Variants in DIP2C observed in about 807,000 individuals in gnomAD.
DIP2C encodes DIP2 acetate--CoA ligase C (putative), also known as disco-interacting protein 2 homolog C.
In DIP2C, 33 loss-of-function variants were observed where a neutral mutation model predicts 192.4. The observed-to-expected ratio is 0.17, with a 90% confidence interval of 0.13 to 0.23. The LOEUF (loss-of-function observed/expected upper bound fraction) is 0.23. DIP2C is among the 10% of genes least tolerant of loss of function. DIP2C has a pLI of 1.00. For synonymous variants in DIP2C, 979 were observed against 864.1 expected, an observed-to-expected ratio of 1.13 and a Z score of -2.33; for missense variants, 1,537 against 2,110.1, an observed-to-expected ratio of 0.73 and a Z score of 5.32.
intron 1 of DIP2C, among the ~76,000 whole-genome samples, chr10:678,829 C>T: frequency 7.6e-6 from 1 of 132,012 alleles, no homozygotes; most frequent in African/African-American, 3.3e-5. Context: ...CCCATGCTCC[C>T]CACACCCGTG....
intron 1 of DIP2C, among the ~76,000 whole-genome samples, chr10:658,780 G>A (rs569954407): frequency 1.3e-5 from 2 of 152,236 alleles, no homozygotes; most frequent in South Asian, 4.1e-4. Context: ...AACCCCAATG[G>A]TATATGTAAA....
chr10:590,109 T>C (rs1427159121), intron 1 of DIP2C, among the ~76,000 whole-genome samples: 1 of 151,778 alleles, frequency 6.6e-6, no homozygotes. Flanking sequence ...GTCCCGGGAG[T>C]GACGTGATAA....
intron 10 of DIP2C, among the ~76,000 whole-genome samples, chr10:392,742 A>G (rs113495312): frequency 5.9e-4 from 19 of 32,376 alleles, no homozygotes; most frequent in Non-Finnish European, 1.2e-3. Flanking sequence ...ACACGCGCAC[A>G]CACTCACATA....
rs554591756 is a variant in DIP2C, at chr10:296,345, C to T, written c.3987-7924G>A. Among the ~76,000 whole-genome samples the T allele has an allele frequency of 4.6e-3, 694 of 151,120 alleles. 7 individuals are homozygous for T. Among genetic ancestry groups the T allele is most frequent in the African/African-American group, 0.016 (670 of 41,264 alleles). ...AATCAAAACCACAATGAGATACCAT[C>T]TCACACCAGTTAGAATGGCAATCAT... On this transcript the variant is annotated intron_variant, in intron 32 of 36. Transcript: ENST00000280886.
At chr10:619,530 C>CCAGGGCCAGGG (rs1697457684) in intron 1 of DIP2C, among the ~76,000 whole-genome samples, 1 of 31,100 alleles carries the variant, frequency 3.2e-5, no homozygotes, top group African/African-American at 1.4e-4. Flanking sequence ...CAGGACCAAG[C>CCAGGGCCAGGG]CCGCCCGCCC....
intron 1 of DIP2C, among the ~76,000 whole-genome samples, chr10:614,401 T>C (rs1564271465): frequency 6.6e-6 from 1 of 152,222 alleles, no homozygotes; most frequent in African/African-American, 2.4e-5. Context: ...TACCCAAGTC[T>C]AACAGTGCCG....
rs183305345 is a variant in DIP2C, at chr10:627,704, G to A, written c.85+61790C>T. 7.6e-4 allele frequency among the ~76,000 whole-genome samples: 116 copies of A among 152,384 alleles called. 1 individual carries two copies. Among genetic ancestry groups the A allele is most frequent in the African/African-American group, 2.6e-3 (110 of 41,604 alleles). On this transcript the variant is annotated intron_variant, in intron 1 of 36. Coordinates refer to ENST00000280886, the MANE Select transcript of DIP2C (RefSeq NM_014974.3). The stretch of plus-strand genomic sequence containing the variant: ...CTTTAAGCCTCAGACTTTTGAGATC[G>A]TTGAGGGCCGTGCACGCAAGAGCGA...
chr10:396,593 C>T (rs1964002460), intron 10 of DIP2C, among the ~76,000 whole-genome samples: 1 of 152,062 alleles, frequency 6.6e-6, no homozygotes, highest in Non-Finnish European at 1.5e-5. Context: ...CCAGAGAGCC[C>T]CTAACCATGG....
chr10:315,903 T>A (rs1416952917), intron 31 of DIP2C, among the ~76,000 whole-genome samples: 1 of 152,212 alleles, frequency 6.6e-6, no homozygotes, highest in Non-Finnish European at 1.5e-5. Context: ...TGGTCAGACT[T>A]CAAGTTCATT....
At chr10:287,804 C>T (rs973161030) in intron 33 of DIP2C, among the ~76,000 whole-genome samples, 1 of 152,068 alleles carries the variant, frequency 6.6e-6, no homozygotes, top group African/African-American at 2.4e-5. Context: ...CTGGTTGTCT[C>T]TTGTTAACCA....
At chr10:279,821 C>T (rs1485582183) in intron 36 of DIP2C, among the ~76,000 whole-genome samples, 1 of 152,226 alleles carries the variant, frequency 6.6e-6, no homozygotes, top group Non-Finnish European at 1.5e-5. Context: ...ACAGCAGCGA[C>T]ATTTGTTACA....
intron 4 of DIP2C, among the ~76,000 whole-genome samples, chr10:435,915 TTA>T (rs1311961720): frequency 2.0e-5 from 3 of 152,202 alleles, no homozygotes; most frequent in Non-Finnish European, 4.4e-5. Flanking sequence ...TCCAACAGAA[TTA>T]TGAGAATCCT....
chr10:525,877 T>C (rs1407057654), intron 1 of DIP2C, among the ~76,000 whole-genome samples: 1 of 152,138 alleles, frequency 6.6e-6, no homozygotes, highest in African/African-American at 2.4e-5. Flanking sequence ...ACCCAGGGCC[T>C]CTCAGGTTTT....
intron 29 of DIP2C, among the ~76,000 whole-genome samples, chr10:339,012 C>T (rs953343893): frequency 5.9e-5 from 9 of 151,984 alleles, no homozygotes; most frequent in African/African-American, 1.4e-4. Flanking sequence ...CCTCCTCCGA[C>T]GTGGGCTTGG....
At chr10:326,959 C>T (rs747062281) in intron 31 of DIP2C, 47 bp downstream of exon 31, 105 of 1,578,118 alleles carry the variant, frequency 6.7e-5, no homozygotes, top group Non-Finnish European at 8.4e-5. Flanking sequence ...GTACCCACCC[C>T]GGGAGCCACA....
intron 1 of DIP2C, among the ~76,000 whole-genome samples, chr10:580,965 CAA>C (rs1850609133): frequency 6.6e-6 from 1 of 152,178 alleles, no homozygotes; most frequent in Non-Finnish European, 1.5e-5. Flanking sequence ...GCGTTTGAGA[CAA>C]AGCCTCTTAT....
rs1965985854 is a variant in DIP2C, at chr10:418,945, A to C, written c.739+120T>G. On this transcript the variant is annotated intron_variant, in intron 6 of 36. Coordinates refer to ENST00000280886, the MANE Select transcript of DIP2C (RefSeq NM_014974.3). ...ATGAGAGGCTCCCGAAGATCTGATAAATTGGCTTTGTCAGAACCGATTGTA... is the reference window on the plus strand; with the variant it reads ...ATGAGAGGCTCCCGAAGATCTGATACATTGGCTTTGTCAGAACCGATTGTA... 14 of 1,455,558 alleles carry C rather than the reference A, an allele frequency of 9.6e-6. No individual in the cohort carries two copies. In the South Asian group the frequency reaches 1.5e-4, roughly 16 times the overall value. 90.2% of individuals were successfully genotyped at this position (1,455,558 alleles called of 1,614,324 possible).
rs1476660528 is a variant in DIP2C, at chr10:367,278, G to A, written c.2132-867C>T. On this transcript the variant is annotated intron_variant, in intron 18 of 36. Coordinates refer to ENST00000280886, the MANE Select transcript of DIP2C (RefSeq NM_014974.3). Reference sequence around the variant, plus strand: ...TAAAAATACAAAAAAGTAGCCGGGCGCAGTGGCGGGCGCCTGTAGTCCCAG... The same window carrying A: ...TAAAAATACAAAAAAGTAGCCGGGCACAGTGGCGGGCGCCTGTAGTCCCAG... Among the ~76,000 whole-genome samples, 10 of 152,184 alleles carry A rather than the reference G, an allele frequency of 6.6e-5. No homozygotes were observed. The Middle Eastern group carries it at 0.01, about 155-fold the overall frequency.
intron 31 of DIP2C, among the ~76,000 whole-genome samples, chr10:316,318 T>C (rs1956771477): frequency 6.6e-6 from 1 of 152,354 alleles, no homozygotes; most frequent in African/African-American, 2.4e-5. Flanking sequence ...TACAAGCCTA[T>C]GGGCAGGATC....
Sources: allele counts gnomAD v4.1 joint callset (sites outside exome capture counted in the v4.1 genomes callset), GRCh38; gene constraint gnomAD v4.1.1; transcripts MANE v1.5; gene names NCBI Gene and HGNC (gene_info 2026-07-23, HGNC 2026-07-21).